The following ZBTB20 variants were observed in gnomAD, a reference collection of about 807,000 sequenced individuals.
The protein encoded by ZBTB20 is zinc finger and BTB domain-containing protein 20.
Under a neutral mutation model 56.9 loss-of-function variants are expected in ZBTB20, and 9 were observed. The observed-to-expected ratio is 0.16, with a 90% CI of 0.10 to 0.28. ZBTB20 has a LOEUF of 0.28. Among genes scored for constraint, ZBTB20 ranks in the 10% least tolerant of loss-of-function variants. The probability of loss-of-function intolerance (pLI) is 1.00; values close to 1 mark genes in which losing one functional copy is unlikely to be tolerated. For missense variants in ZBTB20, 655 were observed against 1,003.0 expected (o/e 0.65, Z 4.69); for synonymous variants, 417 against 420.7 (o/e 0.99, Z 0.11).
intron 7 of ZBTB20, among the ~76,000 whole-genome samples, chr3:114,411,680 C>T (rs1486523719): frequency 6.6e-6 from 1 of 152,094 alleles, no homozygotes; most frequent in African/African-American, 2.4e-5. Context: ...CCTGCTAAGG[C>T]TTTTCAGAAC....
chr3:114,847,287 GAA>G (rs11306268), intron 4 of ZBTB20, among the ~76,000 whole-genome samples: 30 of 145,668 alleles, frequency 2.1e-4, no homozygotes, highest in Middle Eastern at 3.5e-3. Context: ...TGGTTCATGA[GAA>G]AAAAAAAAAA....
At position 114,333,140 on chromosome 3, in the gene ZBTB20, T is replaced by C. The variant is rs1278855844; in HGVS notation, c.*5865A>G. The C allele has an allele frequency of 4.6e-5, 7 of 152,236 alleles. No individual in the cohort carries two copies. In the East Asian group the frequency reaches 1.2e-3, roughly 25 times the overall value. 9.4% of individuals were successfully genotyped at this position (152,236 alleles called of 1,614,324 possible). ...ATTTTGGTCAGGCTGATCGTCTTGA[T>C]ACTCAGTGCTAGAAATGATGCTTTG... is the stretch of plus-strand genomic sequence containing the variant. On this transcript the variant is annotated 3_prime_UTR_variant, in exon 12 of 12. Coordinates refer to ENST00000675478, the MANE Select transcript of ZBTB20 (RefSeq NM_001348800.3).
intron 7 of ZBTB20, among the ~76,000 whole-genome samples, chr3:114,411,949 C>T (rs1253206550): frequency 1.3e-5 from 2 of 152,102 alleles, no homozygotes; most frequent in Non-Finnish European, 2.9e-5. Flanking sequence ...AGTTGTAGAA[C>T]ATTGTGTTAT....
At chr3:114,413,736 C>A (rs1174028242) in intron 7 of ZBTB20, among the ~76,000 whole-genome samples, 1 of 152,106 alleles carries the variant, frequency 6.6e-6, no homozygotes, top group Non-Finnish European at 1.5e-5. Flanking sequence ...TTATGCCACT[C>A]CTTCTCTGCA....
intron 1 of ZBTB20, among the ~76,000 whole-genome samples, chr3:115,098,668 C>A (rs2083468584): frequency 1.3e-5 from 2 of 152,104 alleles, no homozygotes; most frequent in African/African-American, 4.8e-5. Context: ...GTAAAAAAGT[C>A]TTTCAGCAGC....
At chr3:114,564,244 C>T (rs748149974) in intron 6 of ZBTB20, among the ~76,000 whole-genome samples, 1 of 152,088 alleles carries the variant, frequency 6.6e-6, no homozygotes, top group East Asian at 1.9e-4. Flanking sequence ...CTGGCATAAT[C>T]TTCCCATCTC....
At chr3:114,701,419 T>C (rs186715868) in intron 5 of ZBTB20, among the ~76,000 whole-genome samples, 69 of 152,300 alleles carry the variant, frequency 4.5e-4, no homozygotes, top group Non-Finnish European at 7.8e-4. Context: ...TAATGCTATG[T>C]GCCACCATGA....
rs148167646 is a variant in ZBTB20 at position 114,702,414 on chromosome 3, TTG to T, written c.-342-8841_-342-8840del. The stretch of plus-strand genomic sequence containing the variant: ...AACATTTCAATCTGGATGTGTGTGT[TTG>T]TGTGTGTGTGTCTATGTGCATATAA... On this transcript the variant is annotated intron_variant, in intron 5 of 11. Transcript: ENST00000675478. Among the ~76,000 whole-genome samples, 129 of 152,058 alleles carry T rather than the reference TTG, an allele frequency of 8.5e-4. 1 individual carries two copies. Among genetic ancestry groups the T allele is most frequent in the African/African-American group, 3.0e-3 (126 of 41,512 alleles).
intron 6 of ZBTB20, among the ~76,000 whole-genome samples, chr3:114,545,560 A>G (rs2110144936): frequency 6.6e-6 from 1 of 152,318 alleles, no homozygotes. Flanking sequence ...AACAATATCC[A>G]CCTTGCAATA....
chr3:114,520,956 C>T (rs2109927326), intron 6 of ZBTB20, among the ~76,000 whole-genome samples: 1 of 152,178 alleles, frequency 6.6e-6, no homozygotes, highest in East Asian at 1.9e-4. Context: ...AATAATCACC[C>T]GTGCATATAG....
At chr3:114,594,200 A>G (rs970904689) in intron 6 of ZBTB20, among the ~76,000 whole-genome samples, 1 of 152,164 alleles carries the variant, frequency 6.6e-6, no homozygotes, top group Non-Finnish European at 1.5e-5. Context: ...ATTGCAACCC[A>G]TAAATTAAAA....
At chr3:114,346,692 T>C (rs963359555) in intron 11 of ZBTB20, among the ~76,000 whole-genome samples, 6 of 151,562 alleles carry the variant, frequency 4.0e-5, no homozygotes, top group African/African-American at 1.5e-4. Context: ...GATTTTTTTT[T>C]TTTTTTTTTT....
intron 2 of ZBTB20, among the ~76,000 whole-genome samples, chr3:114,991,526 A>T (rs1228853834): frequency 6.6e-6 from 1 of 152,072 alleles, no homozygotes; most frequent in East Asian, 1.9e-4. Context: ...ACTTCCAACT[A>T]TGTGGTCAAT....
intron 5 of ZBTB20, among the ~76,000 whole-genome samples, chr3:114,766,049 T>G (rs1233083555): frequency 6.6e-6 from 1 of 152,176 alleles, no homozygotes; most frequent in Non-Finnish European, 1.5e-5. Context: ...AAAGAGAAGT[T>G]CTGGGTAAAG....
At chr3:114,594,361 G>A (rs1439930221) in intron 6 of ZBTB20, among the ~76,000 whole-genome samples, 1 of 151,284 alleles carries the variant, frequency 6.6e-6, no homozygotes, top group Non-Finnish European at 1.5e-5. Flanking sequence ...CCGCCGCCCG[G>A]GTTCAAGTGA....
intron 5 of ZBTB20, among the ~76,000 whole-genome samples, chr3:114,747,093 TAGTTA>T (rs1308866997): frequency 6.6e-6 from 1 of 152,206 alleles, no homozygotes; most frequent in Non-Finnish European, 1.5e-5. Flanking sequence ...TAAAAACATA[TAGTTA>T]TATCAGAAAG....
intron 6 of ZBTB20, among the ~76,000 whole-genome samples, chr3:114,678,283 T>C (rs1157051943): frequency 6.6e-6 from 1 of 152,150 alleles, no homozygotes; most frequent in African/African-American, 2.4e-5. Flanking sequence ...TCAACCAATA[T>C]CAGCATCACT....
At chr3:114,802,692 TGA>T (rs2071803711) in intron 4 of ZBTB20, among the ~76,000 whole-genome samples, 2 of 151,910 alleles carry the variant, frequency 1.3e-5, no homozygotes, top group African/African-American at 2.4e-5. Flanking sequence ...TCAGAAATTA[TGA>T]GATATAATAT....
chr3:114,412,295 C>T (rs560729017), intron 7 of ZBTB20, among the ~76,000 whole-genome samples: 3 of 152,122 alleles, frequency 2.0e-5, no homozygotes, highest in Non-Finnish European at 2.9e-5. Flanking sequence ...CTGAGACAAT[C>T]TATGTGAAAG....
Sources: gnomAD v4.1 joint callset for allele counts (sites outside exome capture counted in the v4.1 genomes callset) on GRCh38, gnomAD v4.1.1 for gene constraint, MANE v1.5 for transcripts, NCBI Gene and HGNC (gene_info 2026-07-23, HGNC 2026-07-21) for gene names.